TRIP11: variants seen among roughly 807,000 people sequenced by gnomAD.
The protein encoded by TRIP11 is thyroid hormone receptor interactor 11.
TRIP11 carries 148 observed loss-of-function variants against 223.1 expected under a neutral mutation model. The observed-to-expected ratio is 0.66, with a 90% confidence interval of 0.58 to 0.76. The LOEUF is 0.76. Among genes scored for constraint, TRIP11 ranks in the 30% least tolerant of loss-of-function variants. The pLI is 0.00. For synonymous variants in TRIP11, 762 were observed against 772.6 expected (o/e 0.99, Z 0.23); for missense variants, 2,043 against 2,222.0 (o/e 0.92, Z 1.62).
intron 20 of TRIP11, among the ~76,000 whole-genome samples, chr14:91,972,199 C>T (rs890624856): frequency 5.9e-5 from 9 of 152,200 alleles, no homozygotes; most frequent in Admixed American, 2.0e-4. Context: ...TAAAAGAGTG[C>T]TTTCTACATT....
At chr14:91,977,326 T>C (rs998789604) in intron 16 of TRIP11, 13 of 427,794 alleles carry the variant, frequency 3.0e-5, no homozygotes, top group African/African-American at 6.2e-5. Flanking sequence ...TTTGGTTTCA[T>C]ATCTAAGAAA....
At chr14:92,025,514 C>CCCA (rs1238441496) in intron 2 of TRIP11, 94 bp from the exon 3 acceptor site, 7 of 822,026 alleles carry the variant, frequency 8.5e-6, no homozygotes, top group Non-Finnish European at 1.4e-5. Context: ...TGCTTTCCCC[C>CCCA]CCCAAAAATG....
At chr14:92,038,112 T>G (rs192484678) in intron 1 of TRIP11, among the ~76,000 whole-genome samples, 28 of 151,960 alleles carry the variant, frequency 1.8e-4, no homozygotes, top group Admixed American at 1.2e-3. Flanking sequence ...CAACTGGAAG[T>G]AGGAGATGAA....
chr14:92,031,809 TA>T (rs2057269106), intron 2 of TRIP11, among the ~76,000 whole-genome samples: 1 of 152,188 alleles, frequency 6.6e-6, no homozygotes, highest in Admixed American at 6.5e-5. Flanking sequence ...TTTAAATTAT[TA>T]AAATGTCTTT....
In TRIP11 at chr14:92,005,596, C is replaced by A. The variant is rs778501344; in HGVS notation, c.2380G>T (p.Asp794Tyr). ...QMDTDHKETK[D>Y]VLSSSLEEQK... is the part of the protein sequence containing the mutation. ...TCTTCTAAACTAGATGACAAAACGTCCTTAGTTTCTTTATGGTCAGTATCC... is the reference window on the plus strand; with the variant it reads ...TCTTCTAAACTAGATGACAAAACGTACTTAGTTTCTTTATGGTCAGTATCC... The change falls in exon 11 of 21, where the codon GAC becomes TAC. Residue 794 changes from aspartate (D) to tyrosine (Y), a missense_variant. Coordinates refer to ENST00000267622, the MANE Select transcript of TRIP11 (RefSeq NM_004239.4). 6.2e-7 allele frequency: 1 copy of A among 1,613,548 alleles called. No homozygotes were observed. Among genetic ancestry groups the A allele is most frequent in the South Asian group, 1.1e-5 (1 of 90,910 alleles).
At position 91,969,129 on chromosome 14, in the gene TRIP11, G is replaced by A. The variant is rs528182792; in HGVS notation, c.*544C>T. The A allele has an allele frequency of 7.9e-5, 19 of 240,520 alleles. No homozygotes were observed. In the East Asian group the frequency reaches 1.1e-3, roughly 14 times the overall value. The allele number at this position is 240,520 out of a possible 1,614,324, so 14.9% of individuals were successfully genotyped here. On this transcript the variant is annotated 3_prime_UTR_variant, in exon 21 of 21. Transcript: ENST00000267622. ...TCTACACACATGATAATATTGCACA[G>A]GACCAAATACATACTTCACCTCAGG...
At chr14:92,020,178 G>A (rs2057092567) in intron 4 of TRIP11, among the ~76,000 whole-genome samples, 1 of 151,922 alleles carries the variant, frequency 6.6e-6, no homozygotes, top group African/African-American at 2.4e-5. Context: ...CTTGAACCCG[G>A]GTGGCAGAGG....
chr14:91,981,932 T>C (rs1295939690), intron 16 of TRIP11, among the ~76,000 whole-genome samples: 6 of 149,522 alleles, frequency 4.0e-5, no homozygotes, highest in Non-Finnish European at 5.9e-5. Context: ...CTGAGCAACA[T>C]AGACAAACCG....
intron 16 of TRIP11, among the ~76,000 whole-genome samples, chr14:91,985,738 T>G (rs2056597206): frequency 6.6e-6 from 1 of 152,208 alleles, no homozygotes. Context: ...TGGCAAATAT[T>G]TTTGCTGTCT....
At position 92,039,996 on chromosome 14, in the gene TRIP11, T is replaced by G. The variant is rs1190859428; in HGVS notation, c.-311A>C. ...GCTCTAATGACTTTCCTCAGTTCCG[T>G]GGGTTACTCCTGCCAACTCGACGCC... On this transcript the variant is annotated 5_prime_UTR_variant, in exon 1 of 21. Transcript: ENST00000267622. The G allele has an allele frequency of 2.1e-6, 1 of 470,846 alleles. No homozygotes were observed. Among genetic ancestry groups the G allele is most frequent in the Non-Finnish European group, 3.9e-6 (1 of 255,984 alleles). 29.2% of individuals were successfully genotyped at this position (470,846 alleles called of 1,614,324 possible). A position where few individuals can be genotyped will look rare whatever the true frequency, so the allele number is the denominator to read the frequency against.
chr14:91,967,571 C>A lies in TRIP11; in HGVS notation c.*2102G>T, dbSNP rs534473222. ...TTACGTTAAACCATGGGATGAGAGG[C>A]GGACAAGTTGTTTTGGTCAGAGAAG... On this transcript the variant is annotated 3_prime_UTR_variant, in exon 21 of 21. Transcript: ENST00000267622. The A allele has an allele frequency of 3.7e-4, 75 of 201,298 alleles. No individual in the cohort carries two copies. The highest frequency in any genetic ancestry group is 1.7e-3 in the African/African-American group (73 of 43,632). 12.5% of individuals were successfully genotyped at this position (201,298 alleles called of 1,614,324 possible).
At chr14:91,997,221 T>C (rs1192063238) in intron 13 of TRIP11, among the ~76,000 whole-genome samples, 1 of 152,200 alleles carries the variant, frequency 6.6e-6, no homozygotes, top group Non-Finnish European at 1.5e-5. Context: ...GGTGTTACTA[T>C]TGTTAAGTAA....
intron 1 of TRIP11, among the ~76,000 whole-genome samples, chr14:92,038,808 A>G (rs115575301): frequency 0.019 from 2,881 of 152,338 alleles, 81 homozygotes; most frequent in African/African-American, 0.057. Context: ...AGAAATCAAA[A>G]TAGTAATTAA....
intron 20 of TRIP11, 43 bp from the exon 21 acceptor site, chr14:91,969,936 G>T: frequency 6.4e-7 from 1 of 1,569,260 alleles, no homozygotes; most frequent in Non-Finnish European, 8.7e-7. Flanking sequence ...CTTTCACAAA[G>T]AAGTCAAAAT....
chr14:91,968,152 C>T lies in TRIP11; in HGVS notation c.*1521G>A, dbSNP rs187716047. The T allele has an allele frequency of 6.0e-5, 12 of 201,024 alleles. No homozygotes were observed. The East Asian group carries it at 8.5e-4, about 14-fold the overall frequency. The allele number at this position is 201,024 out of a possible 1,614,324, so 12.5% of individuals were successfully genotyped here. On this transcript the variant is annotated 3_prime_UTR_variant, in exon 21 of 21. Transcript: ENST00000267622. ...AAATAACCAAATTTAGTTCTGGCCTCAGCCAGGACTATTCACATATTTGAA... is the reference window on the plus strand; with the variant it reads ...AAATAACCAAATTTAGTTCTGGCCTTAGCCAGGACTATTCACATATTTGAA...
In TRIP11 at chr14:92,005,003, A is replaced by G. The variant is rs1245327057; in HGVS notation, c.2973T>C (p.Ser991=). 6.2e-7 allele frequency: 1 copy of G among 1,613,742 alleles called. No homozygotes were observed. The highest frequency in any genetic ancestry group is 2.2e-5 in the East Asian group (1 of 44,884). The change falls in exon 11 of 21, where the codon TCT becomes TCC. Residue 991 remains serine (S), a synonymous_variant. Coordinates refer to ENST00000267622, the MANE Select transcript of TRIP11 (RefSeq NM_004239.4). The part of the protein sequence containing the change: ...EERQDIQTDN[S]DIFQETKVQS... ...GAACTTTTGTTTCTTGAAAAATATC[A>G]GAGTTATCTGTTTGAATGTCCTGTC...
chr14:91,979,187 G>A (rs1292023168), intron 16 of TRIP11, among the ~76,000 whole-genome samples: 1 of 149,896 alleles, frequency 6.7e-6, no homozygotes, highest in Non-Finnish European at 1.5e-5. Flanking sequence ...AGCCCAGGAG[G>A]CAGATATTGC....
rs151151936 is a variant in TRIP11, at chr14:92,003,748, T to C, written c.4228A>G (p.Lys1410Glu). ...GCTTTGATTAAGAGGTCTTTTTCCT[T>C]AAGTAACTTTTGCAAAACATCTTGT... ...EKQDVLQKLLKEKDLLIKAKS... is the reference protein window; with the variant it reads ...EKQDVLQKLLEEKDLLIKAKS... The change falls in exon 11 of 21, where the codon AAG becomes GAG. Residue 1410 changes from lysine (K) to glutamate (E), a missense_variant. Coordinates refer to ENST00000267622, the MANE Select transcript of TRIP11 (RefSeq NM_004239.4). 2 of 1,614,210 alleles carry C rather than the reference T, an allele frequency of 1.2e-6. No individual in the cohort carries two copies. The highest frequency in any genetic ancestry group is 4.5e-5 in the East Asian group (2 of 44,882).
chr14:92,021,803 T>C lies in TRIP11; in HGVS notation c.341A>G (p.Gln114Arg), dbSNP rs1405586489. Residue 114 changes from glutamine to arginine, a missense_variant, in exon 4 of 21, where the codon CAG becomes CGG. Physicochemically the swap from Gln to Arg is conservative, Grantham distance 43. Coordinates refer to ENST00000267622, the MANE Select transcript of TRIP11 (RefSeq NM_004239.4). The part of the protein sequence containing the change: ...EVEISHLKAR[Q>R]IALQDQLLKL... ...CAGCAACTGATCCTGGAGTGCAATC[T>C]GTCTGGCTTTAAGATGGCTGATTTC... 1 of 1,614,048 alleles carries C rather than the reference T, an allele frequency of 6.2e-7. No homozygotes were observed. Among genetic ancestry groups the C allele is most frequent in the Non-Finnish European group, 8.5e-7 (1 of 1,180,042 alleles).
Sources: allele counts gnomAD v4.1 joint callset (sites outside exome capture counted in the v4.1 genomes callset), GRCh38; gene constraint gnomAD v4.1.1; transcripts MANE v1.5; gene names NCBI Gene and HGNC (gene_info 2026-07-23, HGNC 2026-07-21).